ZFHX3: variants seen among roughly 807,000 people sequenced by gnomAD.
ZFHX3 encodes the protein zinc finger homeobox 3.
In ZFHX3, 42 loss-of-function variants were observed where a neutral mutation model predicts 279.1. The ratio of observed to expected loss-of-function variants is 0.15; its 90% CI spans 0.12 to 0.19. The LOEUF (loss-of-function observed/expected upper bound fraction) is 0.19, where lower values mean the gene tolerates loss of function less well. Among genes scored for constraint, ZFHX3 ranks in the 10% least tolerant of loss-of-function variants. The pLI is 1.00. For synonymous variants in ZFHX3, 2,293 were observed against 1,957.8 expected (o/e 1.17, Z -4.52); for missense variants, 4,981 against 4,754.0 (o/e 1.05, Z -1.40).
chr16:72,844,657 C>T (rs1597302004), intron 4 of ZFHX3, among the ~76,000 whole-genome samples: 4 of 152,088 alleles, frequency 2.6e-5, no homozygotes, highest in South Asian at 2.1e-4. Flanking sequence ...CTGATATCCC[C>T]GTTCTTAGAA....
chr16:73,135,542 A>G (rs1966773211), intron 6 of ZFHX3, among the ~76,000 whole-genome samples: 1 of 152,206 alleles, frequency 6.6e-6, no homozygotes, highest in Non-Finnish European at 1.5e-5. Flanking sequence ...TTAGTTCCGA[A>G]TCGCTCACTT....
chr16:73,824,401 T>G (rs1472333179), intron 1 of ZFHX3, among the ~76,000 whole-genome samples: 1 of 120,976 alleles, frequency 8.3e-6, no homozygotes, highest in Non-Finnish European at 1.6e-5. Context: ...TTTTTTAATG[T>G]TTTTTTTTTT....
intron 1 of ZFHX3, among the ~76,000 whole-genome samples, chr16:73,743,784 C>T (rs2142262645): frequency 6.6e-6 from 1 of 152,216 alleles, no homozygotes; most frequent in East Asian, 1.9e-4. Context: ...CACGCTGTCA[C>T]CTGGAAAGAA....
intron 2 of ZFHX3, among the ~76,000 whole-genome samples, chr16:73,606,872 G>A (rs931934267): frequency 7.2e-5 from 11 of 152,016 alleles, no homozygotes; most frequent in Admixed American, 2.0e-4. Flanking sequence ...TGAGGATAAC[G>A]GCTTCCAATT....
chr16:72,977,896 C>T (rs957233920), intron 1 of ZFHX3, among the ~76,000 whole-genome samples: 2 of 151,670 alleles, frequency 1.3e-5, no homozygotes, highest in Admixed American at 1.3e-4. Context: ...CAGAGTCTCA[C>T]TCTTGTTGCC....
chr16:73,540,573 T>C (rs770751534), intron 2 of ZFHX3, among the ~76,000 whole-genome samples: 1 of 152,348 alleles, frequency 6.6e-6, no homozygotes, highest in Non-Finnish European at 1.5e-5. Flanking sequence ...TATTTTCTCC[T>C]ATGCTGAAAA....
chr16:72,839,365 T>C (rs2037286164), intron 4 of ZFHX3, among the ~76,000 whole-genome samples: 1 of 152,150 alleles, frequency 6.6e-6, no homozygotes, highest in Non-Finnish European at 1.5e-5. Flanking sequence ...ATCTAACAAA[T>C]GCATTTTGAC....
chr16:73,473,358 C>CAA (rs1300049292), intron 2 of ZFHX3, among the ~76,000 whole-genome samples: 435 of 42,974 alleles, frequency 0.01, 9 homozygotes, highest in African/African-American at 0.017. Flanking sequence ...AAAAAAAAAA[C>CAA]AAAAAAAAAA....
intron 5 of ZFHX3, among the ~76,000 whole-genome samples, chr16:73,201,014 T>C (rs1311885516): frequency 6.6e-6 from 1 of 152,204 alleles, no homozygotes; most frequent in African/African-American, 2.4e-5. Flanking sequence ...ATTTCTTTTA[T>C]GGGGAAGCAC....
intron 3 of ZFHX3, among the ~76,000 whole-genome samples, chr16:72,924,921 G>A (rs1464347408): frequency 1.3e-5 from 2 of 152,086 alleles, no homozygotes; most frequent in Non-Finnish European, 2.9e-5. Flanking sequence ...ACCCTTTACA[G>A]AAACGCACCT....
At chr16:73,245,611 T>C (rs2144948757) in intron 5 of ZFHX3, among the ~76,000 whole-genome samples, 1 of 152,338 alleles carries the variant, frequency 6.6e-6, no homozygotes, top group East Asian at 1.9e-4. Context: ...CCAAGGATGT[T>C]GTTCCAAAGA....
chr16:73,445,953 C>A (rs1485793609), intron 3 of ZFHX3, among the ~76,000 whole-genome samples: 1 of 152,188 alleles, frequency 6.6e-6, no homozygotes, highest in African/African-American at 2.4e-5. Flanking sequence ...GGATAATGTT[C>A]TCTTTATGAT....
At chr16:73,751,424 T>C (rs146252003) in intron 1 of ZFHX3, among the ~76,000 whole-genome samples, 7 of 152,338 alleles carry the variant, frequency 4.6e-5, no homozygotes, top group African/African-American at 1.4e-4. Flanking sequence ...TTCTAGTTTT[T>C]AAAAATATGC....
intron 3 of ZFHX3, among the ~76,000 whole-genome samples, chr16:73,322,677 T>A (rs1049112846): frequency 6.6e-6 from 1 of 152,346 alleles, no homozygotes; most frequent in Non-Finnish European, 1.5e-5. Context: ...GTGATCTAAC[T>A]AGGAAGCATC....
chr16:72,818,437 T>G (rs1352312852), intron 5 of ZFHX3, among the ~76,000 whole-genome samples: 1 of 152,210 alleles, frequency 6.6e-6, no homozygotes, highest in Non-Finnish European at 1.5e-5. Flanking sequence ...ACTTGATAAG[T>G]GGCCAAAGAT....
chr16:72,985,795 A>G (rs1962815783), intron 1 of ZFHX3, among the ~76,000 whole-genome samples: 1 of 152,060 alleles, frequency 6.6e-6, no homozygotes, highest in Admixed American at 6.6e-5. Flanking sequence ...CTTCCGCCCA[A>G]CCAGGGAAGG....
At chr16:73,230,020 C>A (rs1411033922) in intron 5 of ZFHX3, among the ~76,000 whole-genome samples, 1 of 151,968 alleles carries the variant, frequency 6.6e-6, no homozygotes, top group Non-Finnish European at 1.5e-5. Context: ...ATGGATAATA[C>A]AGATGAATGA....
intron 3 of ZFHX3, among the ~76,000 whole-genome samples, chr16:73,416,644 C>T (rs529949193): frequency 5.3e-4 from 80 of 152,178 alleles, no homozygotes; most frequent in African/African-American, 1.6e-3. Flanking sequence ...GAGGCCGAGG[C>T]GGGTGGACCA....
intron 7 of ZFHX3, among the ~76,000 whole-genome samples, chr16:73,129,714 ATGTGTG>A (rs34767541): frequency 6.8e-6 from 1 of 147,494 alleles, no homozygotes; most frequent in African/African-American, 2.5e-5. Flanking sequence ...GTGCATGTGT[ATGTGTG>A]TGTGTGTGTG....
Sources: allele counts gnomAD v4.1 joint callset (sites outside exome capture counted in the v4.1 genomes callset), GRCh38; gene constraint gnomAD v4.1.1; transcripts MANE v1.5; gene names NCBI Gene and HGNC (gene_info 2026-07-23, HGNC 2026-07-21).